Variants in SPINK5 observed in about 807,000 individuals in gnomAD.
SPINK5 encodes the protein serine protease inhibitor Kazal-type 5.
Under a neutral mutation model 151.8 loss-of-function variants are expected in SPINK5, and 125 were observed. That is an observed-to-expected ratio of 0.82 (90% CI 0.71 to 0.96). The LOEUF (loss-of-function observed/expected upper bound fraction) is 0.96. Ranked by LOEUF, SPINK5 falls within the 40% of genes least tolerant of loss-of-function variation. SPINK5 has a pLI of 0.00. For synonymous variants in SPINK5, 374 were observed against 395.3 expected (o/e 0.95, Z 0.64); for missense variants, 1,194 against 1,291.9 (o/e 0.92, Z 1.16).
At chr5:148,102,669 G>T (rs2113125245) in intron 15 of SPINK5, among the ~76,000 whole-genome samples, 1 of 152,092 alleles carries the variant, frequency 6.6e-6, no homozygotes, top group East Asian at 1.9e-4. Flanking sequence ...AGATGAAATA[G>T]GAAATACATA....
chr5:148,088,534 G>T lies in SPINK5; in HGVS notation c.411-8G>T, dbSNP rs1424420479. ...TAAACTGCTGTGTCTACTAACTTTT[G>T]ATTCTAGGAAAACCGGGTCCCAAAT... On this transcript the variant is annotated splice_polypyrimidine_tract_variant and splice_region_variant and intron_variant, in intron 5 of 32. Transcript: ENST00000256084. The T allele has an allele frequency of 6.2e-7, 1 of 1,611,320 alleles. No individual in the cohort carries two copies. Among genetic ancestry groups the T allele is most frequent in the African/African-American group, 1.3e-5 (1 of 74,794 alleles).
In SPINK5 at chr5:148,098,005, A is replaced by G; in HGVS notation, c.1010+11A>G. On this transcript the variant is annotated intron_variant, in intron 11 of 32. Transcript: ENST00000256084. ...GTGTCAAGCCTACTTGTGAGTATAGAGTTTTAGAATGTCAAAGAAAGAAGG... is the reference window on the plus strand; with the variant it reads ...GTGTCAAGCCTACTTGTGAGTATAGGGTTTTAGAATGTCAAAGAAAGAAGG... 2 of 1,610,518 alleles carry G rather than the reference A, an allele frequency of 1.2e-6. No individual in the cohort carries two copies. Among genetic ancestry groups the G allele is most frequent in the Non-Finnish European group, 1.7e-6 (2 of 1,177,588 alleles).
chr5:148,108,030 G>A (rs1010343791), intron 17 of SPINK5, among the ~76,000 whole-genome samples: 5 of 152,168 alleles, frequency 3.3e-5, no homozygotes, highest in African/African-American at 1.2e-4. Flanking sequence ...GGTTGACAGA[G>A]TAGAGCACTA....
chr5:148,092,685 ATT>A (rs1272469656), intron 8 of SPINK5, among the ~76,000 whole-genome samples: 1 of 151,818 alleles, frequency 6.6e-6, no homozygotes, highest in Non-Finnish European at 1.5e-5. Flanking sequence ...TGAAATTATC[ATT>A]GTTTCTTTTA....
At position 148,091,247 on chromosome 5, in the gene SPINK5, G is replaced by C; in HGVS notation, c.666+19G>C. The C allele has an allele frequency of 6.2e-7, 1 of 1,608,624 alleles. No homozygotes were observed. ...TGAAAAGGTAAAATGACTCACCAACGCAATTTTGTTCTTGTGGCCATATTT... is the reference window on the plus strand; with the variant it reads ...TGAAAAGGTAAAATGACTCACCAACCCAATTTTGTTCTTGTGGCCATATTT... On this transcript the variant is annotated intron_variant, in intron 8 of 32. Coordinates refer to ENST00000256084, the MANE Select transcript of SPINK5 (RefSeq NM_006846.4).
At position 148,112,001 on chromosome 5, in the gene SPINK5, G is replaced by A. The variant is rs1429219542; in HGVS notation, c.1820+106G>A. ...TTTTCTCCAGGAGATAGATAATAAAGGCTGTCTTTGCACTGAGTTTGGAAA... is the reference window on the plus strand; with the variant it reads ...TTTTCTCCAGGAGATAGATAATAAAAGCTGTCTTTGCACTGAGTTTGGAAA... On this transcript the variant is annotated intron_variant, in intron 19 of 32. Coordinates refer to ENST00000256084, the MANE Select transcript of SPINK5 (RefSeq NM_006846.4). 3 of 1,545,388 alleles carry A rather than the reference G, an allele frequency of 1.9e-6. No individual in the cohort carries two copies. The East Asian group carries it at 6.7e-5, about 35-fold the overall frequency.
At position 148,112,738 on chromosome 5, in the gene SPINK5, C is replaced by T. The variant is rs960414506; in HGVS notation, c.1821-130C>T. ...ATGATGTAGAGAGATGTGTGTTTAC[C>T]TTTCCACTCCAAAGCTAAGTTGGTG... On this transcript the variant is annotated intron_variant, in intron 19 of 32. Coordinates refer to ENST00000256084, the MANE Select transcript of SPINK5 (RefSeq NM_006846.4). 2.8e-6 allele frequency: 4 copies of T among 1,453,170 alleles called. No individual in the cohort carries two copies. In the African/African-American group the frequency reaches 5.7e-5, roughly 21 times the overall value. The allele number at this position is 1,453,170 out of a possible 1,614,324, so 90.0% of individuals were successfully genotyped here.
chr5:148,100,398 T>C, intron 12 of SPINK5, 56 bp from the exon 13 acceptor site: 11 of 1,574,784 alleles, frequency 7.0e-6, no homozygotes, highest in Non-Finnish European at 8.7e-6. Flanking sequence ...TGTTTGAACC[T>C]TCTGCTTTAA....
intron 4 of SPINK5, among the ~76,000 whole-genome samples, chr5:148,079,749 C>T (rs886597530): frequency 5.3e-5 from 8 of 150,970 alleles, no homozygotes; most frequent in South Asian, 2.1e-4. Context: ...TAGAAGTAAG[C>T]TTTTTCAGTC....
chr5:148,064,438 A>C (rs2127181453), intron 1 of SPINK5, among the ~76,000 whole-genome samples: 1 of 152,310 alleles, frequency 6.6e-6, no homozygotes, highest in South Asian at 2.1e-4. Flanking sequence ...TATGTAATAG[A>C]CATTTAAAAC....
intron 4 of SPINK5, among the ~76,000 whole-genome samples, chr5:148,082,828 C>T (rs1246512662): frequency 6.4e-5 from 1 of 15,534 alleles, no homozygotes; most frequent in Non-Finnish European, 9.7e-5. Context: ...CCAGGATGGT[C>T]TCGATCTCCT....
chr5:148,114,250 T>C, intron 20 of SPINK5, 112 bp from the exon 21 acceptor site: 2 of 1,280,280 alleles, frequency 1.6e-6, no homozygotes, highest in Non-Finnish European at 2.1e-6. Flanking sequence ...GAAAAAAAAT[T>C]CTCAGGTCAT....
chr5:148,112,322 C>T, intron 19 of SPINK5, among the ~76,000 whole-genome samples: 1 of 151,912 alleles, frequency 6.6e-6, no homozygotes, highest in East Asian at 1.9e-4. Context: ...GAGATATAGT[C>T]ATAAAAGTTT....
At chr5:148,108,084 C>A (rs903939621) in intron 17 of SPINK5, among the ~76,000 whole-genome samples, 1 of 151,980 alleles carries the variant, frequency 6.6e-6, no homozygotes, top group Non-Finnish European at 1.5e-5. Context: ...GTTTTTCTCT[C>A]ACCCGTTCAA....
At chr5:148,130,871 T>TA (rs1314957761) in intron 30 of SPINK5, among the ~76,000 whole-genome samples, 74 of 152,174 alleles carry the variant, frequency 4.9e-4, no homozygotes, top group African/African-American at 1.7e-3. Flanking sequence ...TATGAGTATT[T>TA]ACCTCTGAGT....
At chr5:148,101,649 T>C in intron 14 of SPINK5, 132 bp from the exon 15 acceptor site, 8 of 1,419,364 alleles carry the variant, frequency 5.6e-6, no homozygotes, top group Non-Finnish European at 7.9e-6. Context: ...AATCCATGCC[T>C]TCAAAGTTAA....
In SPINK5 at chr5:148,100,496, C is replaced by T. The variant is rs371578291; in HGVS notation, c.1135C>T (p.Leu379Phe). The T allele has an allele frequency of 2.1e-5, 34 of 1,612,908 alleles. No individual in the cohort carries two copies. The highest frequency in any genetic ancestry group is 1.6e-4 in the Middle Eastern group (1 of 6,074). ...EYRKLVRNGK[L>F]ACTRENDPIQ... ...TCGAAAGCTTGTGAGGAACGGAAAA[C>T]TTGCTTGCACCAGAGAGAACGATCC... The change falls in exon 13 of 33, where the codon CTT (leucine) becomes TTT (phenylalanine). Residue 379 changes from leucine (L) to phenylalanine (F), a missense_variant. Transcript: ENST00000256084.
At chr5:148,091,654 A>G (rs1275054439) in intron 8 of SPINK5, among the ~76,000 whole-genome samples, 2 of 151,814 alleles carry the variant, frequency 1.3e-5, no homozygotes, top group East Asian at 3.9e-4. Flanking sequence ...TAAACACTAT[A>G]TCCACTAGTG....
At chr5:148,069,671 A>G (rs1484151870) in intron 2 of SPINK5, among the ~76,000 whole-genome samples, 8 of 152,056 alleles carry the variant, frequency 5.3e-5, no homozygotes, top group African/African-American at 1.7e-4. Flanking sequence ...CAAAATGGTT[A>G]GGCCTCTCCC....
Sources: gnomAD v4.1 joint callset for allele counts (sites outside exome capture counted in the v4.1 genomes callset) on GRCh38, gnomAD v4.1.1 for gene constraint, MANE v1.5 for transcripts, NCBI Gene and HGNC (gene_info 2026-07-23, HGNC 2026-07-21) for gene names.